The following CBFB variants were observed in gnomAD, a reference collection of about 807,000 sequenced individuals.
CBFB encodes the protein core-binding factor subunit beta.
CBFB carries 9 observed loss-of-function variants against 30.4 expected under a neutral mutation model. The ratio of observed to expected loss-of-function variants is 0.30; its 90% confidence interval spans 0.18 to 0.52. CBFB has a LOEUF of 0.52. Ranked by LOEUF, CBFB falls within the 20% of genes least tolerant of loss-of-function variation. The probability of loss-of-function intolerance (pLI) is 0.97; values close to 1 mark genes in which losing one functional copy is unlikely to be tolerated. For synonymous variants in CBFB, 94 were observed against 84.0 expected (o/e 1.12, Z -0.65); for missense variants, 170 against 244.0 (o/e 0.70, Z 2.02).
intron 5 of CBFB, among the ~76,000 whole-genome samples, chr16:67,087,926 G>A (rs1290688767): frequency 6.6e-6 from 1 of 152,188 alleles, no homozygotes; most frequent in Non-Finnish European, 1.5e-5. Context: ...AGCACTAAAA[G>A]CTCCACCATA....
intron 5 of CBFB, among the ~76,000 whole-genome samples, chr16:67,096,955 C>G (rs543087893): frequency 1.3e-5 from 2 of 151,234 alleles, no homozygotes; most frequent in South Asian, 4.2e-4. Flanking sequence ...ACATCTGAGT[C>G]GTACATGGTG....
chr16:67,038,135 G>C (rs1966471950), intron 3 of CBFB, among the ~76,000 whole-genome samples: 1 of 151,854 alleles, frequency 6.6e-6, no homozygotes, highest in Non-Finnish European at 1.5e-5. Context: ...GTGTGTGTTT[G>C]TTTTGCAGTG....
At chr16:67,032,470 A>G (rs897472244) in intron 2 of CBFB, among the ~76,000 whole-genome samples, 4 of 152,184 alleles carry the variant, frequency 2.6e-5, no homozygotes, top group South Asian at 2.1e-4. Context: ...TAATGTAACT[A>G]TTGGTATTTG....
At chr16:67,075,863 C>T (rs767029989) in intron 4 of CBFB, among the ~76,000 whole-genome samples, 3 of 152,078 alleles carry the variant, frequency 2.0e-5, no homozygotes, top group Non-Finnish European at 2.9e-5. Context: ...GTAATCCCAG[C>T]GCTTTGGGAG....
intron 5 of CBFB, 138 bp downstream of exon 5, chr16:67,082,446 C>A: frequency 9.8e-7 from 1 of 1,024,524 alleles, no homozygotes; most frequent in South Asian, 2.8e-5. Flanking sequence ...TACTCTCTGG[C>A]TTTGTGTTTA....
chr16:67,044,475 T>C (rs541318625), intron 3 of CBFB, among the ~76,000 whole-genome samples: 1 of 152,354 alleles, frequency 6.6e-6, no homozygotes, highest in East Asian at 1.9e-4. Context: ...AAGTATTTAT[T>C]AAGTATATGT....
chr16:67,073,474 G>A (rs1375090892), intron 4 of CBFB, among the ~76,000 whole-genome samples: 1 of 152,230 alleles, frequency 6.6e-6, no homozygotes, highest in East Asian at 1.9e-4. Flanking sequence ...ACCAGATGCA[G>A]TGGCTCATAC....
chr16:67,067,242 G>T (rs959146207), intron 4 of CBFB, among the ~76,000 whole-genome samples: 18 of 151,696 alleles, frequency 1.2e-4, no homozygotes, highest in Non-Finnish European at 1.8e-4. Flanking sequence ...TGGACGTGGT[G>T]GCTCACACCT....
chr16:67,067,129 A>G (rs1033178285), intron 4 of CBFB, among the ~76,000 whole-genome samples: 2 of 151,840 alleles, frequency 1.3e-5, no homozygotes, highest in Non-Finnish European at 2.9e-5. Context: ...AAAATGTAGG[A>G]GCCGTGCTTT....
chr16:67,038,443 T>G (rs1966479495), intron 3 of CBFB, among the ~76,000 whole-genome samples: 1 of 152,034 alleles, frequency 6.6e-6, no homozygotes. Flanking sequence ...AGAATTAGAT[T>G]TGATCTTTTG....
rs894734867 is a variant in CBFB, at chr16:67,100,652, A to T, written c.*1874A>T. ...CTGCACTTAAATTTTTTTAAATAAC[A>T]TGATGATGGTACATTTTCCTCTATT... On this transcript the variant is annotated 3_prime_UTR_variant, in exon 6 of 6. Transcript: ENST00000412916. 1 of 221,262 alleles carries T rather than the reference A, an allele frequency of 4.5e-6. No homozygotes were observed. Among genetic ancestry groups the T allele is most frequent in the South Asian group, 1.9e-4 (1 of 5,386 alleles). 13.7% of individuals were successfully genotyped at this position (221,262 alleles called of 1,614,324 possible).
intron 5 of CBFB, among the ~76,000 whole-genome samples, chr16:67,083,545 C>G (rs1961630745): frequency 6.6e-6 from 1 of 152,086 alleles, no homozygotes; most frequent in Non-Finnish European, 1.5e-5. Flanking sequence ...CCACCCACCT[C>G]AACCTCCCAA....
chr16:67,058,485 T>C (rs1377421738), intron 3 of CBFB, among the ~76,000 whole-genome samples: 1 of 152,132 alleles, frequency 6.6e-6, no homozygotes, highest in Non-Finnish European at 1.5e-5. Flanking sequence ...ATTAAAAACT[T>C]TAAGTTAATG....
At chr16:67,045,050 CTAA>C (rs1966598556) in intron 3 of CBFB, among the ~76,000 whole-genome samples, 2 of 152,150 alleles carry the variant, frequency 1.3e-5, no homozygotes, top group South Asian at 4.1e-4. Context: ...CTATAATACT[CTAA>C]TAATAACGGA....
intron 5 of CBFB, among the ~76,000 whole-genome samples, chr16:67,092,696 A>ATC (rs150978454): frequency 2.2e-4 from 21 of 94,664 alleles, no homozygotes; most frequent in African/African-American, 9.5e-4. Flanking sequence ...CAGTGGTGCA[A>ATC]TCTTTTTTTT....
At chr16:67,093,380 T>G (rs1363148693) in intron 5 of CBFB, 1 of 148,142 alleles carries the variant, frequency 6.8e-6, no homozygotes, top group Admixed American at 6.7e-5. Context: ...TTTTTTTTTT[T>G]TTTTTTTTTT....
At chr16:67,091,864 G>GTTGTTT (rs1436802958) in intron 5 of CBFB, among the ~76,000 whole-genome samples, 4 of 150,162 alleles carry the variant, frequency 2.7e-5, no homozygotes, top group African/African-American at 7.5e-5. Context: ...TGTTGTTGTT[G>GTTGTTT]TTTGTTTGTT....
chr16:67,043,229 G>T (rs1418903845), intron 3 of CBFB, among the ~76,000 whole-genome samples: 2 of 152,202 alleles, frequency 1.3e-5, no homozygotes, highest in Admixed American at 6.5e-5. Flanking sequence ...TTGGAGGCCA[G>T]CTACAATAAT....
At chr16:67,040,237 C>T (rs918654092) in intron 3 of CBFB, among the ~76,000 whole-genome samples, 1 of 152,186 alleles carries the variant, frequency 6.6e-6, no homozygotes, top group African/African-American at 2.4e-5. Flanking sequence ...GAAGGAACTT[C>T]TCCAAATGTT....
Sources: allele counts gnomAD v4.1 joint callset (sites outside exome capture counted in the v4.1 genomes callset), GRCh38; gene constraint gnomAD v4.1.1; transcripts MANE v1.5; gene names NCBI Gene and HGNC (gene_info 2026-07-23, HGNC 2026-07-21).